PTPRG: variants seen among roughly 807,000 people sequenced by gnomAD.
The protein encoded by PTPRG is protein tyrosine phosphatase receptor type G.
A neutral mutation model predicts 165.3 loss-of-function variants in PTPRG; 102 were observed. That is an observed-to-expected ratio of 0.62 (90% CI 0.53 to 0.73). PTPRG has a LOEUF of 0.73. PTPRG is among the 30% of genes least tolerant of loss of function. PTPRG has a pLI of 0.00. For missense variants in PTPRG, 1,866 were observed against 1,861.4 expected, an observed-to-expected ratio of 1.00 and a Z score of -0.05; for synonymous variants, 675 against 669.5, an observed-to-expected ratio of 1.01 and a Z score of -0.13.
In PTPRG at chr3:62,284,135, T is replaced by TTATATGACTGA. The variant is rs368256124; in HGVS notation, c.4055+1268_4055+1278dup. On this transcript the variant is annotated intron_variant, in intron 28 of 29. Coordinates refer to ENST00000474889, the MANE Select transcript of PTPRG (RefSeq NM_002841.4). ...ATCAAATTCTAACGTTACTGCCCAG[T>TTATATGACTGA]TATATGACTGATTTTGCTGTTACGG... Among the ~76,000 whole-genome samples, 762 of 152,182 alleles carry TTATATGACTGA rather than the reference T, an allele frequency of 5.0e-3. 8 individuals are homozygous for TTATATGACTGA. Among genetic ancestry groups the TTATATGACTGA allele is most frequent in the African/African-American group, 0.018 (728 of 41,532 alleles).
chr3:61,851,207 G>A (rs963987337), intron 2 of PTPRG, among the ~76,000 whole-genome samples: 35 of 152,156 alleles, frequency 2.3e-4, no homozygotes, highest in African/African-American at 8.0e-4. Flanking sequence ...TGGAGAAAGG[G>A]GAGTTGGGGA....
chr3:61,660,710 A>T (rs906632361), intron 1 of PTPRG, among the ~76,000 whole-genome samples: 4 of 152,136 alleles, frequency 2.6e-5, no homozygotes, highest in African/African-American at 4.8e-5. Context: ...ATTGGATATT[A>T]AAAAAACCTG....
At chr3:61,734,660 A>AG (rs1380805065) in intron 1 of PTPRG, among the ~76,000 whole-genome samples, 1 of 152,176 alleles carries the variant, frequency 6.6e-6, no homozygotes, top group African/African-American at 2.4e-5. Flanking sequence ...TTTGCCTGAT[A>AG]GGGAAACCCC....
At chr3:61,834,003 C>T (rs967229196) in intron 2 of PTPRG, among the ~76,000 whole-genome samples, 2 of 152,170 alleles carry the variant, frequency 1.3e-5, no homozygotes, top group Non-Finnish European at 2.9e-5. Flanking sequence ...AGCACAGTAA[C>T]TTAAAATGAT....
At position 62,296,902 on chromosome 3, in the gene PTPRG, G is replaced by C. The variant is rs1703082051; in HGVS notation, c.*3595G>C. On this transcript the variant is annotated 3_prime_UTR_variant, in exon 30 of 30. Coordinates refer to ENST00000474889, the MANE Select transcript of PTPRG (RefSeq NM_002841.4). ...TAATTAATTTCAAGAAAAATATCTTGAGTTTTAAGAAATAAACATCTCCAG... is the reference window on the plus strand; with the variant it reads ...TAATTAATTTCAAGAAAAATATCTTCAGTTTTAAGAAATAAACATCTCCAG... 1 of 151,970 alleles carries C rather than the reference G, an allele frequency of 6.6e-6. No individual in the cohort carries two copies. 9.4% of individuals were successfully genotyped at this position (151,970 alleles called of 1,614,324 possible).
chr3:61,755,081 C>G (rs1044121138), intron 2 of PTPRG, among the ~76,000 whole-genome samples: 4 of 151,938 alleles, frequency 2.6e-5, no homozygotes, highest in Admixed American at 1.3e-4. Context: ...GATCTCAGCT[C>G]ACTGCAACCT....
chr3:61,665,805 G>A (rs1702796854), intron 1 of PTPRG, among the ~76,000 whole-genome samples: 1 of 152,084 alleles, frequency 6.6e-6, no homozygotes. Flanking sequence ...TCCAGTCTGG[G>A]CAACAGAATG....
At chr3:62,077,951 T>A (rs1231380934) in intron 4 of PTPRG, among the ~76,000 whole-genome samples, 2 of 150,428 alleles carry the variant, frequency 1.3e-5, no homozygotes, top group African/African-American at 4.9e-5. Flanking sequence ...TGAGCTGAGA[T>A]TGAGTCACTG....
intron 4 of PTPRG, among the ~76,000 whole-genome samples, chr3:62,062,677 GT>G (rs991712874): frequency 2.8e-4 from 6 of 21,096 alleles, no homozygotes; most frequent in Non-Finnish European, 5.6e-4. Context: ...TTATGGCATT[GT>G]TTTTTTTAAA....
In PTPRG at chr3:61,756,121, G is replaced by A. The variant is rs570232304; in HGVS notation, c.190+7139G>A. Reference sequence around the variant, plus strand: ...TTGTTTTGAAATAAGTAAATGAGGAGTGGTGGGTTGGTTGAAAAGATGAAG... The same window carrying A: ...TTGTTTTGAAATAAGTAAATGAGGAATGGTGGGTTGGTTGAAAAGATGAAG... On this transcript the variant is annotated intron_variant, in intron 2 of 29. Transcript: ENST00000474889. Among the ~76,000 whole-genome samples, 27 of 152,330 alleles carry A rather than the reference G, an allele frequency of 1.8e-4. No individual in the cohort carries two copies. The East Asian group carries it at 4.2e-3, about 24-fold the overall frequency.
intron 2 of PTPRG, among the ~76,000 whole-genome samples, chr3:61,866,144 C>G (rs1002075907): frequency 6.6e-6 from 1 of 152,174 alleles, no homozygotes; most frequent in Non-Finnish European, 1.5e-5. Context: ...CAGCACCGGT[C>G]CTCCTGCATC....
At chr3:61,692,100 TCTG>T in intron 1 of PTPRG, among the ~76,000 whole-genome samples, 1 of 152,402 alleles carries the variant, frequency 6.6e-6, no homozygotes, top group Admixed American at 6.5e-5. Context: ...TGAATTTTCT[TCTG>T]CTCCTACGCA....
intron 1 of PTPRG, among the ~76,000 whole-genome samples, chr3:61,583,157 G>A (rs1362506385): frequency 6.6e-6 from 1 of 152,184 alleles, no homozygotes; most frequent in African/African-American, 2.4e-5. Flanking sequence ...ATGGTATAAA[G>A]CCATTAGTGA....
chr3:62,121,894 G>C (rs1703087919), intron 5 of PTPRG, among the ~76,000 whole-genome samples: 1 of 152,156 alleles, frequency 6.6e-6, no homozygotes, highest in Admixed American at 6.5e-5. Context: ...TGCTACAAAT[G>C]GCACGTTCTA....
intron 5 of PTPRG, among the ~76,000 whole-genome samples, chr3:62,098,644 T>C (rs1200967571): frequency 6.6e-6 from 1 of 152,238 alleles, no homozygotes; most frequent in Non-Finnish European, 1.5e-5. Flanking sequence ...ACCCAGACCC[T>C]GTAGCTTTTA....
intron 2 of PTPRG, among the ~76,000 whole-genome samples, chr3:61,950,688 G>A (rs903279873): frequency 6.6e-6 from 1 of 152,122 alleles, no homozygotes; most frequent in Non-Finnish European, 1.5e-5. Flanking sequence ...GTTCACCTAA[G>A]AAGTCTTGCT....
At chr3:62,034,586 C>G (rs990527629) in intron 4 of PTPRG, among the ~76,000 whole-genome samples, 1 of 152,190 alleles carries the variant, frequency 6.6e-6, no homozygotes, top group Non-Finnish European at 1.5e-5. Flanking sequence ...GTCAGTTACA[C>G]TTAGAGGTAG....
chr3:61,653,832 A>G (rs566405561), intron 1 of PTPRG, among the ~76,000 whole-genome samples: 217 of 151,300 alleles, frequency 1.4e-3, no homozygotes, highest in African/African-American at 4.8e-3. Context: ...CCAGTTATCT[A>G]GTGAAATCAG....
chr3:61,896,918 T>C (rs2038367171), intron 2 of PTPRG, among the ~76,000 whole-genome samples: 1 of 150,954 alleles, frequency 6.6e-6, no homozygotes, highest in Non-Finnish European at 1.5e-5. Flanking sequence ...ATTGTATTTT[T>C]TTCCTTCTTA....
Sources: allele counts gnomAD v4.1 joint callset (sites outside exome capture counted in the v4.1 genomes callset), GRCh38; gene constraint gnomAD v4.1.1; transcripts MANE v1.5; gene names NCBI Gene and HGNC (gene_info 2026-07-23, HGNC 2026-07-21).